The following QTMAN variants were observed in gnomAD, a reference collection of about 807,000 sequenced individuals.
QTMAN encodes the protein tRNA-queuosine alpha-mannosyltransferase.
the QTMAN span, among the ~76,000 whole-genome samples, chr2:144,082,688 G>A: frequency 6.6e-6 from 1 of 152,142 alleles, no homozygotes; most frequent in Non-Finnish European, 1.5e-5. Context: ...AGAAATTAAG[G>A]CTCAGATAAA....
the QTMAN span, among the ~76,000 whole-genome samples, chr2:144,072,399 C>T: frequency 6.6e-6 from 1 of 152,138 alleles, no homozygotes; most frequent in Non-Finnish European, 1.5e-5. Flanking sequence ...AGATAGGATA[C>T]ATATTTTCAG....
the QTMAN span, among the ~76,000 whole-genome samples, chr2:144,281,931 G>A: frequency 6.6e-6 from 1 of 152,258 alleles, no homozygotes; most frequent in Middle Eastern, 3.4e-3. Flanking sequence ...CACCTCATCT[G>A]TGGTATTTTG....
chr2:143,950,934 A>G, the QTMAN span: 1 of 151,992 alleles, frequency 6.6e-6, no homozygotes, highest in Non-Finnish European at 1.5e-5. Flanking sequence ...TTAATAGACA[A>G]TGAAAGATAA....
chr2:143,948,687 A>C, the QTMAN span, among the ~76,000 whole-genome samples: 1 of 152,158 alleles, frequency 6.6e-6, no homozygotes, highest in Non-Finnish European at 1.5e-5. Context: ...AATTGTTGAG[A>C]ATTTTCCATA....
At chr2:144,148,527 T>G in the QTMAN span, among the ~76,000 whole-genome samples, 1 of 151,782 alleles carries the variant, frequency 6.6e-6, no homozygotes, top group East Asian at 1.9e-4. Flanking sequence ...GAAGAAAAAA[T>G]TCTATATTCC....
chr2:144,147,173 G>A, the QTMAN span, among the ~76,000 whole-genome samples: 16 of 151,362 alleles, frequency 1.1e-4, no homozygotes, highest in Non-Finnish European at 2.2e-4. Context: ...TCTTCTTCAC[G>A]GGCTAAAAGA....
At chr2:143,938,152 A>G in the QTMAN span, 1 of 152,242 alleles carries the variant, frequency 6.6e-6, no homozygotes, top group Non-Finnish European at 1.5e-5. Flanking sequence ...AAGACGATGA[A>G]AGCCAGGGAA....
At chr2:144,237,877 G>A in the QTMAN span, among the ~76,000 whole-genome samples, 2 of 152,190 alleles carry the variant, frequency 1.3e-5, no homozygotes, top group Non-Finnish European at 2.9e-5. Context: ...GCTGCCAGCT[G>A]CCACGTTGTG....
At chr2:144,303,249 C>T in the QTMAN span, among the ~76,000 whole-genome samples, 2 of 152,292 alleles carry the variant, frequency 1.3e-5, no homozygotes, top group South Asian at 2.1e-4. Context: ...TAAAGTAATG[C>T]TGGCCAAGGC....
the QTMAN span, among the ~76,000 whole-genome samples, chr2:144,054,212 A>C: frequency 6.6e-6 from 1 of 152,258 alleles, no homozygotes; most frequent in South Asian, 2.1e-4. Flanking sequence ...AAACCAAAAA[A>C]ACAAAACCTT....
At chr2:144,144,808 A>G in the QTMAN span, among the ~76,000 whole-genome samples, 1 of 151,988 alleles carries the variant, frequency 6.6e-6, no homozygotes, top group South Asian at 2.1e-4. Flanking sequence ...CATCAAACCC[A>G]GTTGCTAATA....
chr2:144,191,494 T>C, the QTMAN span, among the ~76,000 whole-genome samples: 4 of 152,182 alleles, frequency 2.6e-5, no homozygotes, highest in Non-Finnish European at 4.4e-5. Context: ...CTATCATTGT[T>C]TTCCTATTTA....
chr2:144,177,010 G>A, the QTMAN span: 1 of 618,786 alleles, frequency 1.6e-6, no homozygotes, highest in Non-Finnish European at 2.9e-6. Flanking sequence ...GCAGGACAAA[G>A]AGAGAGAGTG....
At chr2:144,238,583 AC>A in the QTMAN span, among the ~76,000 whole-genome samples, 1 of 151,862 alleles carries the variant, frequency 6.6e-6, no homozygotes, top group Non-Finnish European at 1.5e-5. Context: ...CTCATGGTTG[AC>A]CCTCTTTTCC....
chr2:144,044,378 G>A, the QTMAN span, among the ~76,000 whole-genome samples: 2 of 151,866 alleles, frequency 1.3e-5, no homozygotes, highest in South Asian at 2.1e-4. Flanking sequence ...TGGCTCAGCC[G>A]TCCATCTCAA....
At chr2:144,290,458 T>C in the QTMAN span, among the ~76,000 whole-genome samples, 1 of 152,200 alleles carries the variant, frequency 6.6e-6, no homozygotes, top group Non-Finnish European at 1.5e-5. Flanking sequence ...CTCTACCTTA[T>C]CCCCATTGTC....
the QTMAN span, among the ~76,000 whole-genome samples, chr2:144,045,494 C>T: frequency 1.4e-4 from 21 of 152,116 alleles, no homozygotes; most frequent in Non-Finnish European, 2.9e-5. Flanking sequence ...TATCCCGGTG[C>T]ATCAACTAGA....
chr2:143,998,964 AC>A, the QTMAN span, among the ~76,000 whole-genome samples: 10 of 152,120 alleles, frequency 6.6e-5, no homozygotes, highest in Admixed American at 6.6e-4. Flanking sequence ...CATAACCTCA[AC>A]TGGACTTACT....
At chr2:143,947,143 G>GAGGAGGAGGGAGAGAAGAGAA in the QTMAN span, 9 of 1,592,072 alleles carry the variant, frequency 5.7e-6, no homozygotes, top group African/African-American at 2.7e-5. Context: ...ACCCTGCAAC[G>GAGGAGGAGGGAGAGAAGAGAA]AGGAGGAGGG....
Sources: allele counts gnomAD v4.1 joint callset (sites outside exome capture counted in the v4.1 genomes callset), GRCh38; gene constraint gnomAD v4.1.1; transcripts MANE v1.5; gene names NCBI Gene and HGNC (gene_info 2026-07-23, HGNC 2026-07-21).